ZDHHC17: variants seen among roughly 807,000 people sequenced by gnomAD.
ZDHHC17 encodes zDHHC palmitoyltransferase 17.
ZDHHC17 carries 40 observed loss-of-function variants against 90.3 expected under a neutral mutation model. That is an observed-to-expected ratio of 0.44 (90% CI 0.34 to 0.58). ZDHHC17 has a LOEUF of 0.58. Ranked by LOEUF, ZDHHC17 falls within the 20% of genes least tolerant of loss-of-function variation. ZDHHC17 has a pLI of 0.01. For synonymous variants in ZDHHC17, 235 were observed against 252.4 expected (o/e 0.93, Z 0.65); for missense variants, 614 against 780.8 (o/e 0.79, Z 2.55).
chr12:76,808,786 A>AT (rs1412878034), intron 3 of ZDHHC17, among the ~76,000 whole-genome samples: 3 of 150,828 alleles, frequency 2.0e-5, no homozygotes, highest in South Asian at 4.2e-4. Context: ...TTTTTACGTG[A>AT]TTTTTTTGGC....
intron 2 of ZDHHC17, 51 bp from the exon 3 acceptor site, chr12:76,805,266 T>G: frequency 6.9e-7 from 1 of 1,453,642 alleles, no homozygotes; most frequent in Non-Finnish European, 9.4e-7. Context: ...TATTTTTAAC[T>G]TTACATTTCT....
In ZDHHC17 at chr12:76,834,736, A is replaced by G. The variant is rs117935426; in HGVS notation, c.1141+6246A>G. Among the ~76,000 whole-genome samples the G allele has an allele frequency of 3.4e-3, 511 of 152,272 alleles. 1 individual carries two copies. Among genetic ancestry groups the G allele is most frequent in the Non-Finnish European group, 5.8e-3 (395 of 68,026 alleles). ...GTGCATTTGACTACTGTAAATGAAG[A>G]TGGATGTGAGGGGAGGGATCAGTAT... On this transcript the variant is annotated intron_variant, in intron 10 of 16. Transcript: ENST00000426126.
At chr12:76,797,360 T>C in intron 1 of ZDHHC17, 74 bp from the exon 2 acceptor site, 1 of 992,560 alleles carries the variant, frequency 1.0e-6, no homozygotes, top group Non-Finnish European at 1.4e-6. Context: ...ACAAAAGCAC[T>C]ACTATAAAAT....
rs758594770 is a variant in ZDHHC17 at position 76,828,459 on chromosome 12, G to A, written c.1110G>A (p.Met370Ile). 1.9e-6 allele frequency: 3 copies of A among 1,613,182 alleles called. No individual in the cohort carries two copies. The highest frequency in any genetic ancestry group is 2.7e-5 in the African/African-American group (2 of 74,874). ...LGIYLATKFW[M>I]YVTWFFWFWN... Reference sequence around the variant, plus strand: ...TATATTTGGCAACCAAATTCTGGATGTATGTGACGTGGTTCTTCTGGTTTT... The same window carrying A: ...TATATTTGGCAACCAAATTCTGGATATATGTGACGTGGTTCTTCTGGTTTT... Residue 370 changes from methionine (M) to isoleucine (I), a missense_variant, in exon 10 of 17, where the codon ATG becomes ATA. Around this residue, in one of 5 missense-constraint regions of ZDHHC17, gnomAD observed 117 missense variants for 183.6 expected, o/e 0.64. Transcript: ENST00000426126.
At position 76,828,432 on chromosome 12, in the gene ZDHHC17, G is replaced by A. The variant is rs757273611; in HGVS notation, c.1083G>A (p.Gly361=). 1.9e-6 allele frequency: 3 copies of A among 1,613,056 alleles called. No individual in the cohort carries two copies. Among genetic ancestry groups the A allele is most frequent in the East Asian group, 4.5e-5 (2 of 44,742 alleles). Residue 361 remains glycine (G), a synonymous_variant, in exon 10 of 17, where the codon GGG becomes GGA. Transcript: ENST00000426126. ...DHSMHSALPL[G]IYLATKFWMY... is the part of the protein sequence containing the mutation. Reference sequence around the variant, plus strand: ...CAATGCATAGTGCATTGCCCCTTGGGATATATTTGGCAACCAAATTCTGGA... The same window carrying A: ...CAATGCATAGTGCATTGCCCCTTGGAATATATTTGGCAACCAAATTCTGGA...
rs1227425543 is a variant in ZDHHC17, at chr12:76,841,972, C to T, written c.1142-10C>T. The T allele has an allele frequency of 2.6e-6, 4 of 1,536,892 alleles. No individual in the cohort carries two copies. Among genetic ancestry groups the T allele is most frequent in the Non-Finnish European group, 3.5e-6 (4 of 1,143,288 alleles). Reference sequence around the variant, plus strand: ...ATCATTGCTTCTTTAGATTCCTTAACCTTAGGCACATCTCAACTTTTTATT... The same window carrying T: ...ATCATTGCTTCTTTAGATTCCTTAATCTTAGGCACATCTCAACTTTTTATT... On this transcript the variant is annotated splice_polypyrimidine_tract_variant and intron_variant, in intron 10 of 16. Transcript: ENST00000426126.
intron 1 of ZDHHC17, among the ~76,000 whole-genome samples, chr12:76,783,499 C>T (rs181244442): frequency 1.3e-5 from 2 of 152,328 alleles, no homozygotes; most frequent in East Asian, 1.9e-4. Context: ...TGGTGGAAAC[C>T]GCCCCCATGA....
chr12:76,812,746 G>A (rs1476720717), intron 5 of ZDHHC17, among the ~76,000 whole-genome samples: 4 of 151,766 alleles, frequency 2.6e-5, no homozygotes, highest in African/African-American at 9.7e-5. Flanking sequence ...ACATTGTCAG[G>A]GTATATAACA....
chr12:76,833,911 A>AG (rs1953333989), intron 10 of ZDHHC17, among the ~76,000 whole-genome samples: 1 of 152,194 alleles, frequency 6.6e-6, no homozygotes, highest in African/African-American at 2.4e-5. Context: ...TATTTATAGT[A>AG]GGGGAAAAAA....
At chr12:76,843,363 A>G (rs901803341) in intron 12 of ZDHHC17, among the ~76,000 whole-genome samples, 5 of 152,136 alleles carry the variant, frequency 3.3e-5, no homozygotes, top group Non-Finnish European at 7.4e-5. Context: ...GCCACATGGG[A>G]AAATCCATTA....
chr12:76,831,343 TG>T lies in ZDHHC17; in HGVS notation c.1141+2854del, dbSNP rs1953298741. Among the ~76,000 whole-genome samples, 5 of 151,816 alleles carry T rather than the reference TG, an allele frequency of 3.3e-5. No homozygotes were observed. The South Asian group carries it at 1.0e-3, about 32-fold the overall frequency. The stretch of plus-strand genomic sequence containing the variant: ...TATTGTCTGTTTTTGTGTTGGGTTT[TG>T]TTTTGTTTTGTTTTGTTTTATTTTG... On this transcript the variant is annotated intron_variant, in intron 10 of 16. Coordinates refer to ENST00000426126, the MANE Select transcript of ZDHHC17 (RefSeq NM_015336.4).
At position 76,764,124 on chromosome 12, in the gene ZDHHC17, G is replaced by T; in HGVS notation, c.-113G>T. ...AGGGGACAGAGGGGGCGTCACGGGG[G>T]CAGGAGAAGAAGGAGGAGGAGGCCC... On this transcript the variant is annotated 5_prime_UTR_variant, in exon 1 of 17. Coordinates refer to ENST00000426126, the MANE Select transcript of ZDHHC17 (RefSeq NM_015336.4). 7 of 791,592 alleles carry T rather than the reference G, an allele frequency of 8.8e-6. No homozygotes were observed. The highest frequency in any genetic ancestry group is 1.4e-5 in the Non-Finnish European group (7 of 507,442). 49.0% of individuals were successfully genotyped at this position (791,592 alleles called of 1,614,324 possible).
At chr12:76,847,089 T>G (rs183129411) in intron 14 of ZDHHC17, among the ~76,000 whole-genome samples, 7 of 152,342 alleles carry the variant, frequency 4.6e-5, no homozygotes, top group Admixed American at 3.9e-4. Context: ...TTTGAAATAT[T>G]TTGAAAAGTA....
chr12:76,835,612 A>G (rs1407830948), intron 10 of ZDHHC17, among the ~76,000 whole-genome samples: 1 of 152,076 alleles, frequency 6.6e-6, no homozygotes, highest in Admixed American at 6.5e-5. Context: ...AACCTTGCTA[A>G]AGCCTTTTAT....
chr12:76,805,298 T>C lies in ZDHHC17; in HGVS notation c.198-19T>C. 1 of 1,570,596 alleles carries C rather than the reference T, an allele frequency of 6.4e-7. No individual in the cohort carries two copies. Among genetic ancestry groups the C allele is most frequent in the Non-Finnish European group, 8.7e-7 (1 of 1,153,576 alleles). On this transcript the variant is annotated intron_variant, in intron 2 of 16. Transcript: ENST00000426126. ...TTCTTGTTAAATAATAACAATGCCA[T>C]ATTTTCTTTCTTTTCTAGATATGGA...
intron 8 of ZDHHC17, among the ~76,000 whole-genome samples, chr12:76,825,976 G>T (rs1396051296): frequency 6.6e-6 from 1 of 152,010 alleles, no homozygotes; most frequent in African/African-American, 2.4e-5. Context: ...GTGCTACCAT[G>T]CCCAGATAAT....
intron 10 of ZDHHC17, among the ~76,000 whole-genome samples, chr12:76,833,020 T>C (rs763940687): frequency 1.3e-5 from 2 of 152,180 alleles, no homozygotes; most frequent in Non-Finnish European, 2.9e-5. Context: ...GTATAAACTT[T>C]ATTTTGGTTT....
At chr12:76,791,781 G>A in intron 1 of ZDHHC17, among the ~76,000 whole-genome samples, 1 of 152,112 alleles carries the variant, frequency 6.6e-6, no homozygotes. Flanking sequence ...TGGACTGACT[G>A]GCTATAAATT....
chr12:76,800,026 A>G (rs1392108479), intron 2 of ZDHHC17, among the ~76,000 whole-genome samples: 2 of 152,172 alleles, frequency 1.3e-5, no homozygotes, highest in Non-Finnish European at 2.9e-5. Context: ...CGTGTGTAGT[A>G]TCTTCCATGT....
Sources: allele counts gnomAD v4.1 joint callset (sites outside exome capture counted in the v4.1 genomes callset), GRCh38; gene constraint gnomAD v4.1.1; regional missense constraint gnomAD v4.1.1; transcripts MANE v1.5; gene names NCBI Gene and HGNC (gene_info 2026-07-23, HGNC 2026-07-21).